DPP6: variants seen among roughly 807,000 people sequenced by gnomAD.
The protein encoded by DPP6 is dipeptidyl peptidase like 6.
DPP6 carries 69 observed loss-of-function variants against 122.6 expected under a neutral mutation model. That is an observed-to-expected ratio of 0.56 (90% confidence interval 0.46 to 0.69). The LOEUF (loss-of-function observed/expected upper bound fraction) is 0.69. Ranked by LOEUF, DPP6 falls within the 30% of genes least tolerant of loss-of-function variation. DPP6 has a pLI of 0.00. For synonymous variants in DPP6, 418 were observed against 433.1 expected (o/e 0.97, Z 0.43); for missense variants, 928 against 1,116.9 (o/e 0.83, Z 2.41).
chr7:154,124,013 C>T (rs1472914547), intron 1 of DPP6, among the ~76,000 whole-genome samples: 4 of 151,358 alleles, frequency 2.6e-5, no homozygotes, highest in African/African-American at 7.3e-5. Flanking sequence ...ACTATGATTC[C>T]ATGGGGACAG....
At chr7:154,526,256 A>G (rs1827399278) in intron 3 of DPP6, among the ~76,000 whole-genome samples, 1 of 152,218 alleles carries the variant, frequency 6.6e-6, no homozygotes, top group Non-Finnish European at 1.5e-5. Context: ...CACTGAAGAC[A>G]TTATTGGCAA....
chr7:154,880,931 G>T lies in DPP6; in HGVS notation c.2122G>T (p.Val708Leu), dbSNP rs746793201. ...EQYIDRTRVA[V>L]FGKDYGGYLS... ...GTACATTGACAGGACGCGCGTGGCC[G>T]TGTTTGGGAAGGTGAGTCTGCGCCA... The change falls in exon 21 of 26, where the codon GTG (valine) becomes TTG (leucine). Residue 708 changes from valine to leucine, a missense_variant. Physicochemically the swap from Val to Leu is conservative, Grantham distance 32. Transcript: ENST00000377770. 1.9e-6 allele frequency: 3 copies of T among 1,613,826 alleles called. No individual in the cohort carries two copies. The highest frequency in any genetic ancestry group is 2.7e-5 in the African/African-American group (2 of 74,918).
chr7:154,337,202 T>C (rs532489096), intron 1 of DPP6, among the ~76,000 whole-genome samples: 1 of 152,348 alleles, frequency 6.6e-6, no homozygotes, highest in Non-Finnish European at 1.5e-5. Flanking sequence ...TCAGTGATGC[T>C]GAACTGTGAG....
chr7:154,418,202 A>G (rs1315986527), intron 1 of DPP6, among the ~76,000 whole-genome samples: 3 of 152,114 alleles, frequency 2.0e-5, no homozygotes, highest in Non-Finnish European at 4.4e-5. Context: ...CAGGAAGCCA[A>G]CCCCAATTCC....
At chr7:153,770,415 A>G in the DPP6 span, among the ~76,000 whole-genome samples, 2 of 152,238 alleles carry the variant, frequency 1.3e-5, no homozygotes, top group East Asian at 3.9e-4. Flanking sequence ...TCCTAAACCC[A>G]AGGTACTGAT....
the DPP6 span, among the ~76,000 whole-genome samples, chr7:153,843,276 G>GCA: frequency 1.0e-4 from 15 of 147,384 alleles, no homozygotes; most frequent in African/African-American, 3.8e-4. Flanking sequence ...ACGCATGCGC[G>GCA]CGCGCACACA....
chr7:154,552,527 G>T (rs1829712802), intron 4 of DPP6, among the ~76,000 whole-genome samples: 1 of 152,218 alleles, frequency 6.6e-6, no homozygotes, highest in African/African-American at 2.4e-5. Flanking sequence ...CAATGGGTTT[G>T]TTGCCAGGAT....
the DPP6 span, among the ~76,000 whole-genome samples, chr7:153,810,671 CCTCTCTCTCTCTCT>C: frequency 6.8e-3 from 843 of 124,684 alleles, 7 homozygotes; most frequent in Admixed American, 0.011. Context: ...CTCTCTCTCT[CCTCTCTCTCTCTCT>C]CTCTCTCTCT....
At chr7:154,386,996 G>T (rs921778048) in intron 1 of DPP6, among the ~76,000 whole-genome samples, 4 of 152,142 alleles carry the variant, frequency 2.6e-5, no homozygotes, top group Non-Finnish European at 4.4e-5. Flanking sequence ...GTGAGAAGGG[G>T]CTTTTCCAGA....
At chr7:154,340,120 C>T (rs183805478) in intron 1 of DPP6, among the ~76,000 whole-genome samples, 82 of 152,168 alleles carry the variant, frequency 5.4e-4, no homozygotes, top group African/African-American at 1.9e-3. Flanking sequence ...AACACAACAT[C>T]AAAATTGTTT....
intron 7 of DPP6, among the ~76,000 whole-genome samples, chr7:154,724,298 C>G (rs995128669): frequency 1.3e-5 from 2 of 152,216 alleles, no homozygotes; most frequent in African/African-American, 4.8e-5. Flanking sequence ...TACCCCAACT[C>G]TGCAGATGGT....
intron 17 of DPP6, among the ~76,000 whole-genome samples, chr7:154,866,626 G>T (rs1405350754): frequency 6.6e-6 from 1 of 152,202 alleles, no homozygotes; most frequent in South Asian, 2.1e-4. Context: ...CACGTTTCTC[G>T]CATGCTACGT....
chr7:154,000,366 C>T (rs1038226098), intron 1 of DPP6, among the ~76,000 whole-genome samples: 2 of 152,108 alleles, frequency 1.3e-5, no homozygotes, highest in African/African-American at 2.4e-5. Flanking sequence ...CTGAGGATGG[C>T]CTTAGCTCCC....
intron 1 of DPP6, among the ~76,000 whole-genome samples, chr7:153,888,705 CTTTTTTTTT>C (rs142238331): frequency 1.6e-4 from 12 of 76,986 alleles, no homozygotes; most frequent in South Asian, 4.6e-4. Flanking sequence ...CTGGCTGGCA[CTTTTTTTTT>C]TTTTTTTTTT....
the DPP6 span, among the ~76,000 whole-genome samples, chr7:153,803,842 TACAC>T: frequency 6.7e-6 from 1 of 149,172 alleles, no homozygotes; most frequent in African/African-American, 2.6e-5. Context: ...TATGTGTACA[TACAC>T]ACACACACAT....
intron 1 of DPP6, among the ~76,000 whole-genome samples, chr7:154,041,379 G>A (rs1211845420): frequency 6.6e-6 from 1 of 152,226 alleles, no homozygotes; most frequent in Non-Finnish European, 1.5e-5. Context: ...GCGGCCATAT[G>A]TGTTTTAAAG....
the DPP6 span, among the ~76,000 whole-genome samples, chr7:153,821,772 G>A: frequency 2.7e-5 from 4 of 146,372 alleles, no homozygotes; most frequent in African/African-American, 7.6e-5. Flanking sequence ...ATGCAGCCAC[G>A]ACCCTGGTGC....
At chr7:153,821,049 G>A in the DPP6 span, among the ~76,000 whole-genome samples, 1 of 151,878 alleles carries the variant, frequency 6.6e-6, no homozygotes, top group Non-Finnish European at 1.5e-5. Flanking sequence ...GATAGTGATG[G>A]TGGTGATGAG....
intron 1 of DPP6, among the ~76,000 whole-genome samples, chr7:154,279,772 C>T (rs1017047608): frequency 2.0e-5 from 3 of 152,152 alleles, no homozygotes; most frequent in South Asian, 2.1e-4. Flanking sequence ...TGGCAGTTCC[C>T]GTGATTTTGT....
Sources: allele counts gnomAD v4.1 joint callset (sites outside exome capture counted in the v4.1 genomes callset), GRCh38; gene constraint gnomAD v4.1.1; transcripts MANE v1.5; gene names NCBI Gene and HGNC (gene_info 2026-07-23, HGNC 2026-07-21).